MAMDC2: variants seen among roughly 807,000 people sequenced by gnomAD.
MAMDC2 encodes MAM domain-containing protein 2.
Under a neutral mutation model 89.8 loss-of-function variants are expected in MAMDC2, and 57 were observed. The observed-to-expected ratio is 0.63, with a 90% CI of 0.51 to 0.79. MAMDC2 has a LOEUF of 0.79. Ranked by LOEUF, MAMDC2 falls within the 30% of genes least tolerant of loss-of-function variation. The pLI, the probability that MAMDC2 is intolerant of heterozygous loss-of-function variation, is 0.00. For missense variants in MAMDC2, 800 were observed against 820.6 expected (o/e 0.97, Z 0.31); for synonymous variants, 313 against 293.4 (o/e 1.07, Z -0.68).
intron 9 of MAMDC2, among the ~76,000 whole-genome samples, chr9:70,152,679 A>G (rs2031621295): frequency 6.6e-6 from 1 of 152,110 alleles, no homozygotes; most frequent in Non-Finnish European, 1.5e-5. Context: ...TTTATTTTTA[A>G]CCTTCTGGTG....
intron 2 of MAMDC2, among the ~76,000 whole-genome samples, chr9:70,080,056 C>G (rs1827619130): frequency 6.6e-6 from 1 of 152,106 alleles, no homozygotes; most frequent in Non-Finnish European, 1.5e-5. Flanking sequence ...AGTATTTTCT[C>G]CATCTCCTGT....
In MAMDC2 at chr9:70,088,715, C is replaced by T. The variant is rs533714577; in HGVS notation, c.149-19496C>T. On this transcript the variant is annotated intron_variant, in intron 2 of 13. Transcript: ENST00000377182. ...GATAATATGCTAATTTTCCTGAAAC[C>T]AACTAAAATAAATGCTACATTTTTC... The T allele has an allele frequency of 2.0e-5, 3 of 150,052 alleles. No individual in the cohort carries two copies. In the East Asian group the frequency reaches 5.8e-4, roughly 29 times the overall value. The allele number at this position is 150,052 out of a possible 1,614,324, so 9.3% of individuals were successfully genotyped here.
At chr9:70,068,708 T>G (rs1587441495) in intron 2 of MAMDC2, among the ~76,000 whole-genome samples, 3 of 113,810 alleles carry the variant, frequency 2.6e-5, no homozygotes, top group African/African-American at 3.5e-5. Flanking sequence ...GTTGACAGAG[T>G]GAGACTCCCT....
intron 11 of MAMDC2, among the ~76,000 whole-genome samples, chr9:70,186,504 T>C (rs780427587): frequency 5.9e-5 from 9 of 152,236 alleles, no homozygotes; most frequent in Non-Finnish European, 1.0e-4. Flanking sequence ...ATCATATCTA[T>C]TGAGAAGTCA....
At chr9:70,084,844 G>A (rs1046256459) in intron 2 of MAMDC2, among the ~76,000 whole-genome samples, 4 of 151,576 alleles carry the variant, frequency 2.6e-5, no homozygotes, top group South Asian at 2.1e-4. Flanking sequence ...GTAACAGTAC[G>A]TGGCCAGAAA....
intron 8 of MAMDC2, among the ~76,000 whole-genome samples, chr9:70,143,134 G>A (rs1257081805): frequency 6.6e-6 from 1 of 152,134 alleles, no homozygotes; most frequent in African/African-American, 2.4e-5. Flanking sequence ...CATCTCTATC[G>A]GTCACTAAGG....
rs372507455 is a variant in MAMDC2, at chr9:70,099,134, TTCAGA to T, written c.149-9071_149-9067del. ...ATTTGTGATTTTTTTCTTACATAGT[TTCAGA>T]TCAGACCATTCTCTGCCAGAAGTAA... On this transcript the variant is annotated intron_variant, in intron 2 of 13. Coordinates refer to ENST00000377182, the MANE Select transcript of MAMDC2 (RefSeq NM_153267.5). Among the ~76,000 whole-genome samples the T allele has an allele frequency of 6.8e-3, 1,033 of 152,308 alleles. 3 individuals are homozygous for T. The highest frequency in any genetic ancestry group is 0.012 in the South Asian group (57 of 4,824).
chr9:70,136,989 A>G (rs530856835), intron 7 of MAMDC2, among the ~76,000 whole-genome samples: 1 of 152,278 alleles, frequency 6.6e-6, no homozygotes, highest in South Asian at 2.1e-4. Flanking sequence ...ATCTTAGAGC[A>G]TTGAGAATTC....
At chr9:70,210,064 C>A (rs2033318554) in intron 11 of MAMDC2, among the ~76,000 whole-genome samples, 1 of 152,088 alleles carries the variant, frequency 6.6e-6, no homozygotes. Context: ...ACTATGTGGT[C>A]AATTTTGGAA....
intron 11 of MAMDC2, among the ~76,000 whole-genome samples, chr9:70,187,960 A>C (rs2032794191): frequency 1.3e-5 from 2 of 152,196 alleles, no homozygotes; most frequent in South Asian, 4.1e-4. Context: ...AATAATTGCC[A>C]GACTTTTTCA....
chr9:70,123,966 T>C (rs563545686), intron 5 of MAMDC2, among the ~76,000 whole-genome samples: 106 of 152,296 alleles, frequency 7.0e-4, no homozygotes, highest in African/African-American at 2.5e-3. Context: ...AGCCTCCCAC[T>C]TTGCAGTATT....
At chr9:70,146,665 G>A (rs757061795) in intron 9 of MAMDC2, among the ~76,000 whole-genome samples, 1 of 152,126 alleles carries the variant, frequency 6.6e-6, no homozygotes, top group Non-Finnish European at 1.5e-5. Context: ...AGGAGTAGTG[G>A]CTCACACCTG....
In MAMDC2 at chr9:70,044,578, C is replaced by T. The variant is rs1432167900; in HGVS notation, c.35-6C>T. On this transcript the variant is annotated splice_region_variant and splice_polypyrimidine_tract_variant and intron_variant, in intron 1 of 13. Coordinates refer to ENST00000377182, the MANE Select transcript of MAMDC2 (RefSeq NM_153267.5). ...GCTCGAACTGAAACTCGCTTTGTGC[C>T]CGCAGCCCTGCAGCTCGCCGGTGCC... 6.5e-7 allele frequency: 1 copy of T among 1,548,580 alleles called. No homozygotes were observed. The highest frequency in any genetic ancestry group is 8.7e-7 in the Non-Finnish European group (1 of 1,146,420).
intron 11 of MAMDC2, chr9:70,175,701 A>G (rs2032477218): frequency 6.6e-6 from 1 of 152,210 alleles, no homozygotes; most frequent in Admixed American, 6.5e-5. Context: ...CAGGGCTTCC[A>G]TAACAAAATA....
chr9:70,168,582 C>T (rs530888279), intron 9 of MAMDC2, 120 bp from the exon 10 acceptor site: 42 of 676,088 alleles, frequency 6.2e-5, no homozygotes, highest in African/African-American at 1.3e-4. Flanking sequence ...TTCATACGGA[C>T]GCTGAAGAGC....
intron 2 of MAMDC2, among the ~76,000 whole-genome samples, chr9:70,075,408 A>G (rs1050023255): frequency 3.9e-5 from 6 of 152,220 alleles, no homozygotes; most frequent in African/African-American, 1.4e-4. Context: ...GCAGTTTCCC[A>G]GGCTTTAAGC....
chr9:70,174,785 T>G (rs2032447552), intron 11 of MAMDC2, among the ~76,000 whole-genome samples: 1 of 150,264 alleles, frequency 6.7e-6, no homozygotes, highest in African/African-American at 2.5e-5. Context: ...AGTGCTGTGG[T>G]GTGATCTCAG....
chr9:70,144,990 T>C (rs1188155106), intron 9 of MAMDC2, among the ~76,000 whole-genome samples: 1 of 152,242 alleles, frequency 6.6e-6, no homozygotes, highest in Non-Finnish European at 1.5e-5. Context: ...TGAAAATCTT[T>C]TGTTTCCATT....
chr9:70,151,258 C>T (rs1158078909), intron 9 of MAMDC2, among the ~76,000 whole-genome samples: 1 of 152,232 alleles, frequency 6.6e-6, no homozygotes, highest in Non-Finnish European at 1.5e-5. Context: ...TCCTCATACC[C>T]AGATTACTCC....
Sources: allele counts gnomAD v4.1 joint callset (sites outside exome capture counted in the v4.1 genomes callset), GRCh38; gene constraint gnomAD v4.1.1; transcripts MANE v1.5; gene names NCBI Gene and HGNC (gene_info 2026-07-23, HGNC 2026-07-21).